Variants in CENPW observed in about 807,000 individuals in gnomAD.
The protein encoded by CENPW is cancer-up-regulated gene 2 protein.
A neutral mutation model predicts 11.1 loss-of-function variants in CENPW; 3 were observed. The ratio of observed to expected loss-of-function variants is 0.27; its 90% CI spans 0.12 to 0.70. The LOEUF is 0.70. CENPW is among the 30% of genes least tolerant of loss of function. The probability of loss-of-function intolerance (pLI) is 0.77; values close to 1 mark genes in which losing one functional copy is unlikely to be tolerated. For synonymous variants in CENPW, 38 were observed against 42.0 expected, an observed-to-expected ratio of 0.91 and a Z score of 0.37; for missense variants, 100 against 105.6, an observed-to-expected ratio of 0.95 and a Z score of 0.23.
the CENPW span, among the ~76,000 whole-genome samples, chr6:126,422,100 A>T: frequency 6.6e-6 from 1 of 152,124 alleles, no homozygotes; most frequent in Non-Finnish European, 1.5e-5. Flanking sequence ...AGGACTGTAT[A>T]TGTGTGTATG....
chr6:126,389,235 T>TGAC, the CENPW span, among the ~76,000 whole-genome samples: 5 of 151,974 alleles, frequency 3.3e-5, no homozygotes, highest in African/African-American at 1.2e-4. Context: ...ACTGCTGCCA[T>TGAC]GACACAGATG....
At chr6:126,412,546 A>T in the CENPW span, among the ~76,000 whole-genome samples, 1 of 152,124 alleles carries the variant, frequency 6.6e-6, no homozygotes, top group Non-Finnish European at 1.5e-5. Context: ...TATTTATCCT[A>T]CATGGAATTG....
chr6:126,460,492 C>T, the CENPW span, among the ~76,000 whole-genome samples: 7 of 151,786 alleles, frequency 4.6e-5, no homozygotes, highest in South Asian at 2.1e-4. Context: ...CAAATGTCAA[C>T]GCTGTGCCCT....
chr6:126,450,170 T>G, the CENPW span, among the ~76,000 whole-genome samples: 1 of 151,176 alleles, frequency 6.6e-6, no homozygotes. Flanking sequence ...ATAAAAAGTT[T>G]CAAGATAAGA....
the CENPW span, among the ~76,000 whole-genome samples, chr6:126,363,709 A>AG: frequency 6.6e-6 from 1 of 152,218 alleles, no homozygotes; most frequent in Non-Finnish European, 1.5e-5. Context: ...CAGGGCCTTA[A>AG]GGAATCTAGA....
chr6:126,402,391 A>G, the CENPW span, among the ~76,000 whole-genome samples: 2 of 151,576 alleles, frequency 1.3e-5, no homozygotes, highest in African/African-American at 4.9e-5. Flanking sequence ...ATTGAGATGT[A>G]ATTCACATAA....
At chr6:126,467,516 G>A in the CENPW span, among the ~76,000 whole-genome samples, 1 of 152,082 alleles carries the variant, frequency 6.6e-6, no homozygotes, top group Non-Finnish European at 1.5e-5. Context: ...GGAAACAAGA[G>A]CCTACTGAAA....
chr6:126,460,336 C>T, the CENPW span, among the ~76,000 whole-genome samples: 2 of 151,648 alleles, frequency 1.3e-5, no homozygotes, highest in Non-Finnish European at 3.0e-5. Flanking sequence ...AATTAAATTG[C>T]TCTCAATTTG....
the CENPW span, among the ~76,000 whole-genome samples, chr6:126,476,446 T>C: frequency 5.3e-5 from 8 of 151,990 alleles, no homozygotes. Context: ...CTTTTCAACA[T>C]CTTTAGTGTG....
the CENPW span, among the ~76,000 whole-genome samples, chr6:126,416,945 C>A: frequency 3.0e-4 from 46 of 152,278 alleles, no homozygotes; most frequent in Admixed American, 4.6e-4. Flanking sequence ...AGAAGACCAC[C>A]ATCTTCCAGA....
chr6:126,410,706 GT>G, the CENPW span, among the ~76,000 whole-genome samples: 1 of 151,266 alleles, frequency 6.6e-6, no homozygotes, highest in East Asian at 1.9e-4. Flanking sequence ...TTTTTTCCCT[GT>G]GAGTAATTTT....
intron 1 of CENPW, among the ~76,000 whole-genome samples, chr6:126,341,492 C>T (rs1235635016): frequency 6.6e-6 from 1 of 152,158 alleles, no homozygotes; most frequent in Non-Finnish European, 1.5e-5. Flanking sequence ...CCCCTTTCCC[C>T]TTATTTGGTC....
At chr6:126,370,645 A>G in the CENPW span, among the ~76,000 whole-genome samples, 28 of 152,140 alleles carry the variant, frequency 1.8e-4, no homozygotes, top group African/African-American at 6.5e-4. Context: ...TTCATTGAGC[A>G]GTTCTAGGAG....
chr6:126,471,760 T>A, the CENPW span, among the ~76,000 whole-genome samples: 1 of 152,146 alleles, frequency 6.6e-6, no homozygotes, highest in Non-Finnish European at 1.5e-5. Flanking sequence ...AACTAAAGCA[T>A]GGGGAAAGGG....
At chr6:126,347,478 A>G (rs2128290075) in intron 2 of CENPW, among the ~76,000 whole-genome samples, 1 of 152,258 alleles carries the variant, frequency 6.6e-6, no homozygotes, top group African/African-American at 2.4e-5. Flanking sequence ...TACATAATAT[A>G]CTCAGCGTTT....
chr6:126,386,605 G>A, the CENPW span, among the ~76,000 whole-genome samples: 1 of 151,994 alleles, frequency 6.6e-6, no homozygotes, highest in Non-Finnish European at 1.5e-5. Context: ...TATCTTTAAA[G>A]AGATGAAATA....
chr6:126,474,423 A>T, the CENPW span, among the ~76,000 whole-genome samples: 5 of 152,218 alleles, frequency 3.3e-5, no homozygotes, highest in East Asian at 9.7e-4. Context: ...CCAGGCACCC[A>T]CACTGTGACC....
the CENPW span, among the ~76,000 whole-genome samples, chr6:126,368,931 C>A: frequency 6.6e-6 from 1 of 151,962 alleles, no homozygotes; most frequent in Non-Finnish European, 1.5e-5. Context: ...TCTTTTATCC[C>A]TCACCCTCCT....
downstream of CENPW, among the ~76,000 whole-genome samples, chr6:126,351,367 T>G (rs1435718309): frequency 6.6e-6 from 1 of 151,972 alleles, no homozygotes; most frequent in Admixed American, 6.6e-5. Context: ...ACTCCAGCAT[T>G]TTCATGTTGG....
Sources: gnomAD v4.1 joint callset for allele counts (sites outside exome capture counted in the v4.1 genomes callset) on GRCh38, gnomAD v4.1.1 for gene constraint, MANE v1.5 for transcripts, NCBI Gene and HGNC (gene_info 2026-07-23, HGNC 2026-07-21) for gene names.